STYX: variants seen among roughly 807,000 people sequenced by gnomAD.
The protein encoded by STYX is serine/threonine/tyrosine interacting protein, also known as serine/threonine/tyrosine-interacting protein.
Under a neutral mutation model 42.7 loss-of-function variants are expected in STYX, and 20 were observed. That is an observed-to-expected ratio of 0.47 (90% CI 0.33 to 0.68). The LOEUF (loss-of-function observed/expected upper bound fraction) is 0.68. Ranked by LOEUF, STYX falls within the 30% of genes least tolerant of loss-of-function variation. The probability of loss-of-function intolerance (pLI) is 0.02; values close to 1 mark genes in which losing one functional copy is unlikely to be tolerated. For synonymous variants in STYX, 78 were observed against 81.9 expected, an observed-to-expected ratio of 0.95 and a Z score of 0.26; for missense variants, 226 against 268.5, an observed-to-expected ratio of 0.84 and a Z score of 1.11.
chr14:52,750,692 C>A lies in STYX; in HGVS notation c.154C>A (p.Leu52Ile). Residue 52 changes from leucine (L) to isoleucine (I), a missense_variant, in exon 4 of 11, where the codon CTA (leucine) becomes ATA (isoleucine). By Grantham distance (5) the Leu-to-Ile change is conservative (BLOSUM62 2). Transcript: ENST00000354586. ...TTTTTTTTTTATACAGCTACCTGTA[C>A]TACAGAAACATGGAATAACCCATAT... ...SSAMKSKLPV[L>I]QKHGITHIIC... The A allele has an allele frequency of 6.4e-7, 1 of 1,566,226 alleles. No homozygotes were observed. The highest frequency in any genetic ancestry group is 8.6e-7 in the Non-Finnish European group (1 of 1,159,450).
intron 4 of STYX, among the ~76,000 whole-genome samples, chr14:52,753,057 T>TC (rs1338578085): frequency 2.1e-5 from 3 of 146,198 alleles, no homozygotes; most frequent in Admixed American, 6.8e-5. Context: ...ATTTTTTTTT[T>TC]TTTTTTTTTT....
At chr14:52,755,151 C>A (rs1354576387) in intron 4 of STYX, among the ~76,000 whole-genome samples, 1 of 139,994 alleles carries the variant, frequency 7.1e-6, no homozygotes, top group Admixed American at 7.5e-5. Context: ...GAAACAGAGT[C>A]TTGCTGTTTC....
chr14:52,766,276 T>G (rs997406009), intron 9 of STYX, among the ~76,000 whole-genome samples: 14 of 152,114 alleles, frequency 9.2e-5, no homozygotes, highest in African/African-American at 3.1e-4. Context: ...AAGCGATTCT[T>G]CTGCCTCAGT....
intron 1 of STYX, among the ~76,000 whole-genome samples, chr14:52,736,388 C>A (rs1324992052): frequency 7.9e-5 from 12 of 152,138 alleles, no homozygotes; most frequent in Admixed American, 7.9e-4. Flanking sequence ...TTAGACTGAA[C>A]CTTTCATAAG....
intron 4 of STYX, among the ~76,000 whole-genome samples, chr14:52,752,707 A>AAT (rs1376609782): frequency 5.3e-5 from 8 of 151,826 alleles, no homozygotes; most frequent in Non-Finnish European, 1.2e-4. Context: ...GTGTTGAGTA[A>AAT]ATATATATAT....
intron 6 of STYX, 86 bp from the exon 7 acceptor site, chr14:52,757,657 A>C: frequency 8.4e-7 from 1 of 1,186,658 alleles, no homozygotes; most frequent in Non-Finnish European, 1.2e-6. Context: ...TATAGTATAT[A>C]AGGAGTTACT....
chr14:52,767,464 T>G (rs1431764614), intron 9 of STYX, among the ~76,000 whole-genome samples: 2 of 152,258 alleles, frequency 1.3e-5, no homozygotes, highest in Admixed American at 1.3e-4. Context: ...TTGGTTATAC[T>G]CTTGCTTTTC....
intron 8 of STYX, 52 bp from the exon 9 acceptor site, chr14:52,759,630 G>T: frequency 8.0e-7 from 1 of 1,247,768 alleles, no homozygotes; most frequent in Non-Finnish European, 1.2e-6. Context: ...GTATGATTAT[G>T]ATTAATTCAT....
intron 6 of STYX, 24 bp from the exon 7 acceptor site, chr14:52,757,719 G>A: frequency 6.2e-7 from 1 of 1,612,232 alleles, no homozygotes; most frequent in South Asian, 1.1e-5. Context: ...TTTTCTATTA[G>A]AATAATGAAT....
At chr14:52,768,244 TC>T (rs1882385332) in intron 9 of STYX, among the ~76,000 whole-genome samples, 1 of 152,098 alleles carries the variant, frequency 6.6e-6, no homozygotes. Flanking sequence ...TAAATAAACA[TC>T]CATGTAACTA....
intron 2 of STYX, among the ~76,000 whole-genome samples, chr14:52,746,111 A>G (rs1881385559): frequency 1.3e-5 from 2 of 152,136 alleles, no homozygotes; most frequent in South Asian, 4.1e-4. Flanking sequence ...TGTTACAGTA[A>G]TAATTTGCTT....
chr14:52,757,426 G>A (rs1300460751), intron 6 of STYX, 71 bp downstream of exon 6: 2 of 1,364,654 alleles, frequency 1.5e-6, no homozygotes, highest in Non-Finnish European at 2.1e-6. Flanking sequence ...GTTGGTATTT[G>A]TCTTAAATGC....
chr14:52,744,451 C>G (rs1160299838), intron 1 of STYX, among the ~76,000 whole-genome samples: 3 of 152,184 alleles, frequency 2.0e-5, no homozygotes, highest in East Asian at 1.9e-4. Flanking sequence ...ACTCTTCTTC[C>G]TGTCTTGGAC....
intron 1 of STYX, among the ~76,000 whole-genome samples, chr14:52,743,491 G>A (rs1182683910): frequency 6.6e-6 from 1 of 152,066 alleles, no homozygotes; most frequent in East Asian, 1.9e-4. Context: ...TGAGGCAGGA[G>A]AATGGTGTGA....
chr14:52,738,449 C>T (rs1370753938), intron 1 of STYX, among the ~76,000 whole-genome samples: 1 of 152,066 alleles, frequency 6.6e-6, no homozygotes, highest in Non-Finnish European at 1.5e-5. Context: ...CTAAAAGGTT[C>T]AGGTAAATTT....
intron 1 of STYX, among the ~76,000 whole-genome samples, chr14:52,744,565 C>CT (rs1881322810): frequency 6.6e-6 from 1 of 152,168 alleles, no homozygotes; most frequent in Non-Finnish European, 1.5e-5. Context: ...TTGGGAGAAT[C>CT]TTCTGGAATA....
At chr14:52,769,116 G>A (rs1882417629) in intron 10 of STYX, among the ~76,000 whole-genome samples, 183 bp downstream of exon 10, 1 of 152,122 alleles carries the variant, frequency 6.6e-6, no homozygotes, top group South Asian at 2.1e-4. Flanking sequence ...AGTCTTTCAA[G>A]TAGTAGTACA....
At chr14:52,752,794 T>G (rs1235952749) in intron 4 of STYX, among the ~76,000 whole-genome samples, 1 of 151,814 alleles carries the variant, frequency 6.6e-6, no homozygotes, top group African/African-American at 2.4e-5. Flanking sequence ...TCATAGTGAT[T>G]GCTTCTAAGA....
chr14:52,746,982 A>G (rs1881418859), intron 3 of STYX, among the ~76,000 whole-genome samples: 3 of 152,320 alleles, frequency 2.0e-5, no homozygotes, highest in South Asian at 2.1e-4. Flanking sequence ...GAGCACCAGT[A>G]TGTCACTCGA....
Sources: allele counts gnomAD v4.1 joint callset (sites outside exome capture counted in the v4.1 genomes callset), GRCh38; gene constraint gnomAD v4.1.1; transcripts MANE v1.5; gene names NCBI Gene and HGNC (gene_info 2026-07-23, HGNC 2026-07-21).